The following VAV3 variants were observed in gnomAD, a reference collection of about 807,000 sequenced individuals.
VAV3 encodes the protein vav guanine nucleotide exchange factor 3, also known as guanine nucleotide exchange factor VAV3.
A neutral mutation model predicts 131.2 loss-of-function variants in VAV3; 94 were observed. The observed-to-expected ratio is 0.72, with a 90% CI of 0.61 to 0.85. The LOEUF (loss-of-function observed/expected upper bound fraction) is 0.85, where lower values mean the gene tolerates loss of function less well. Ranked by LOEUF, VAV3 falls within the 40% of genes least tolerant of loss-of-function variation. VAV3 has a pLI of 0.00. For synonymous variants in VAV3, 349 were observed against 342.0 expected (o/e 1.02, Z -0.22); for missense variants, 939 against 1,002.7 (o/e 0.94, Z 0.86).
intron 1 of VAV3, among the ~76,000 whole-genome samples, chr1:107,888,466 T>G (rs1253585366): frequency 6.6e-6 from 1 of 152,202 alleles, no homozygotes; most frequent in African/African-American, 2.4e-5. Flanking sequence ...TTTGTTTGTT[T>G]GTGTTGTTGG....
intron 22 of VAV3, among the ~76,000 whole-genome samples, chr1:107,608,803 C>G (rs1280043698): frequency 6.6e-6 from 1 of 152,150 alleles, no homozygotes. Flanking sequence ...TCAGATAACT[C>G]ACATGGTAAC....
At position 107,755,456 on chromosome 1, in the gene VAV3, T is replaced by TA; in HGVS notation, c.1143dup (p.Lys382Ter). On this transcript the variant is annotated frameshift_variant, in exon 12 of 27. Transcript: ENST00000370056. LOFTEE classifies it high-confidence loss of function. The stretch of plus-strand genomic sequence containing the variant: ...TTCTCTATAGATAGCTGAAACTGTT[T>TA]AATTTCACGAAGGGTCTCATTATCT... 6.2e-7 allele frequency: 1 copy of TA among 1,613,514 alleles called. No individual in the cohort carries two copies. Among genetic ancestry groups the TA allele is most frequent in the Non-Finnish European group, 8.5e-7 (1 of 1,179,594 alleles).
intron 2 of VAV3, among the ~76,000 whole-genome samples, chr1:107,848,137 C>A (rs916294340): frequency 6.6e-6 from 1 of 151,888 alleles, no homozygotes; most frequent in Non-Finnish European, 1.5e-5. Context: ...CACGGTGAAA[C>A]CCTGTCTCTA....
At chr1:107,597,922 T>C (rs1343258510) in intron 24 of VAV3, among the ~76,000 whole-genome samples, 2 of 152,188 alleles carry the variant, frequency 1.3e-5, no homozygotes, top group Non-Finnish European at 2.9e-5. Context: ...CATTATGAAA[T>C]GGGCCTTATT....
intron 2 of VAV3, among the ~76,000 whole-genome samples, chr1:107,832,028 C>T: frequency 6.7e-6 from 1 of 150,342 alleles, no homozygotes; most frequent in African/African-American, 2.4e-5. Flanking sequence ...TGACTTAAAA[C>T]AACAAGATGA....
At chr1:107,822,853 T>C (rs1474155173) in intron 2 of VAV3, among the ~76,000 whole-genome samples, 1 of 152,148 alleles carries the variant, frequency 6.6e-6, no homozygotes, top group Admixed American at 6.5e-5. Flanking sequence ...CCAGGCACTT[T>C]TCTAGGTAAT....
intron 2 of VAV3, among the ~76,000 whole-genome samples, chr1:107,834,463 A>G (rs1455446740): frequency 2.0e-5 from 3 of 152,156 alleles, no homozygotes; most frequent in African/African-American, 4.8e-5. Context: ...GGAATATTCA[A>G]TTGACAATCT....
At chr1:107,668,299 T>C (rs1447124678) in intron 19 of VAV3, among the ~76,000 whole-genome samples, 1 of 152,196 alleles carries the variant, frequency 6.6e-6, no homozygotes, top group Non-Finnish European at 1.5e-5. Context: ...AAACATACAA[T>C]GCTTCTTCTA....
intron 19 of VAV3, among the ~76,000 whole-genome samples, chr1:107,660,326 A>G (rs12068441): frequency 0.047 from 7,148 of 152,296 alleles, 501 homozygotes; most frequent in African/African-American, 0.15. Flanking sequence ...ACACAGTTAT[A>G]TAATTGTTAT....
chr1:107,731,618 T>C lies in VAV3; in HGVS notation c.1502+17350A>G, dbSNP rs184102756. Among the ~76,000 whole-genome samples the C allele has an allele frequency of 5.6e-3, 848 of 152,336 alleles. 4 individuals carry two copies. The highest frequency in any genetic ancestry group is 0.014 in the Middle Eastern group (4 of 294). Reference sequence around the variant, plus strand: ...CTCCAGTTATTATAAGAATCTTCTATAGTAAAATCTTCTTCATTATAAGGA... The same window carrying C: ...CTCCAGTTATTATAAGAATCTTCTACAGTAAAATCTTCTTCATTATAAGGA... On this transcript the variant is annotated intron_variant, in intron 15 of 26. Coordinates refer to ENST00000370056, the MANE Select transcript of VAV3 (RefSeq NM_006113.5).
chr1:107,770,538 T>G, intron 6 of VAV3, 98 bp downstream of exon 6: 1 of 814,098 alleles, frequency 1.2e-6, no homozygotes, highest in South Asian at 1.5e-5. Context: ...TCCTAAAAAT[T>G]ATAATACACA....
intron 1 of VAV3, among the ~76,000 whole-genome samples, chr1:107,939,107 T>C (rs956560411): frequency 3.3e-5 from 5 of 152,244 alleles, no homozygotes; most frequent in Admixed American, 3.3e-4. Flanking sequence ...GCTGCCCAAT[T>C]TGCAAATCGT....
intron 18 of VAV3, among the ~76,000 whole-genome samples, chr1:107,687,969 T>G (rs559143926): frequency 6.6e-6 from 1 of 152,180 alleles, no homozygotes; most frequent in Admixed American, 6.5e-5. Context: ...ACTAGAAACA[T>G]GGAACCATAA....
intron 19 of VAV3, among the ~76,000 whole-genome samples, chr1:107,681,533 A>G (rs1658606946): frequency 6.6e-6 from 1 of 152,228 alleles, no homozygotes; most frequent in African/African-American, 2.4e-5. Flanking sequence ...GTGGGAAGAA[A>G]TAGGCTTACT....
At chr1:107,718,295 T>C (rs1336973219) in intron 15 of VAV3, among the ~76,000 whole-genome samples, 4 of 152,180 alleles carry the variant, frequency 2.6e-5, no homozygotes, top group Admixed American at 2.0e-4. Context: ...CATGATTATA[T>C]ATTTAGAAAA....
At chr1:107,595,378 A>T (rs925919349) in intron 25 of VAV3, among the ~76,000 whole-genome samples, 3 of 151,940 alleles carry the variant, frequency 2.0e-5, no homozygotes, top group Non-Finnish European at 4.4e-5. Context: ...ATAAAGTTAT[A>T]TTAAACCGAC....
At chr1:107,924,929 CCAAAAGATATGTACGCATTCAG>C (rs1404689566) in intron 1 of VAV3, among the ~76,000 whole-genome samples, 6 of 152,128 alleles carry the variant, frequency 3.9e-5, no homozygotes, top group Admixed American at 3.3e-4. Context: ...GAAATGTGTC[CCAAAAGATATGTACGCATTCAG>C]CAAAAGATAT....
chr1:107,859,761 A>G (rs1291186256), intron 2 of VAV3, among the ~76,000 whole-genome samples: 1 of 152,232 alleles, frequency 6.6e-6, no homozygotes, highest in Admixed American at 6.5e-5. Flanking sequence ...ACTGCTAAAG[A>G]AAACATTTTT....
chr1:107,730,058 C>T (rs2101964006), intron 15 of VAV3, among the ~76,000 whole-genome samples: 1 of 152,236 alleles, frequency 6.6e-6, no homozygotes, highest in East Asian at 1.9e-4. Flanking sequence ...AATTTGAACT[C>T]CCAAACTTCA....
Sources: allele counts gnomAD v4.1 joint callset (sites outside exome capture counted in the v4.1 genomes callset), GRCh38; gene constraint gnomAD v4.1.1; transcripts MANE v1.5; gene names NCBI Gene and HGNC (gene_info 2026-07-23, HGNC 2026-07-21).